Variants in PCDHA9 observed in about 807,000 individuals in gnomAD.
The protein encoded by PCDHA9 is protocadherin alpha-9.
A neutral mutation model predicts 62.0 loss-of-function variants in PCDHA9; 62 were observed. The observed-to-expected ratio is 1.00, with a 90% CI of 0.81 to 1.23. The LOEUF (loss-of-function observed/expected upper bound fraction) is 1.23. Among genes scored for constraint, PCDHA9 ranks in the 50% most tolerant of loss-of-function variants. The pLI is 0.00. For missense variants in PCDHA9, 1,205 were observed against 1,249.8 expected (o/e 0.96, Z 0.54); for synonymous variants, 557 against 567.6 (o/e 0.98, Z 0.27).
intron 1 of PCDHA9, chr5:140,851,739 C>T: frequency 1.0e-6 from 1 of 971,880 alleles, no homozygotes; most frequent in Non-Finnish European, 1.2e-6. Context: ...TTTTGAAATT[C>T]AGAGTCTGTA....
At chr5:140,956,147 C>T (rs150480657) in intron 1 of PCDHA9, among the ~76,000 whole-genome samples, 5,358 of 152,186 alleles carry the variant, frequency 0.035, 121 homozygotes, top group Non-Finnish European at 0.052. Context: ...ATTTCTTTCT[C>T]TTTCCTAATT....
At chr5:140,884,679 A>C (rs782535862) in intron 1 of PCDHA9, 12 of 1,551,914 alleles carry the variant, frequency 7.7e-6, no homozygotes, top group Non-Finnish European at 8.7e-6. Context: ...TTATATTTTA[A>C]AAAATTGTCT....
Position 140,869,569 on chromosome 5 carries a change from G to A in PCDHA9, c.2394+18680G>A, listed in dbSNP as rs200465902. ...ATCGGACTCGCGTTTTCCACTAGAG[G>A]GAGCTTCTGATGCTGACATTGAAGA... On this transcript the variant is annotated intron_variant, in intron 1 of 3. Coordinates refer to ENST00000532602, the MANE Select transcript of PCDHA9 (RefSeq NM_031857.2). 4.4e-4 allele frequency: 718 copies of A among 1,614,118 alleles called. 4 individuals carry two copies. The African/African-American group carries it at 8.4e-3, about 19-fold the overall frequency.
intron 1 of PCDHA9, among the ~76,000 whole-genome samples, chr5:140,904,904 C>G (rs1463349424): frequency 6.6e-6 from 1 of 151,948 alleles, no homozygotes; most frequent in Non-Finnish European, 1.5e-5. Context: ...GTTTTTCTTA[C>G]TGATTTGTTT....
chr5:140,937,039 C>CTTTTT, intron 1 of PCDHA9, among the ~76,000 whole-genome samples: 1 of 140,166 alleles, frequency 7.1e-6, no homozygotes, highest in Non-Finnish European at 1.5e-5. Flanking sequence ...TTCCATTTAT[C>CTTTTT]TTTTTTTTTT....
At chr5:140,856,761 C>A (rs377564040) in intron 1 of PCDHA9, 2 of 1,596,482 alleles carry the variant, frequency 1.3e-6, no homozygotes, top group African/African-American at 2.7e-5. Context: ...AATGATAACG[C>A]CCCTATCTTT....
chr5:140,952,948 A>AG (rs1177459807), intron 1 of PCDHA9, among the ~76,000 whole-genome samples: 39 of 152,028 alleles, frequency 2.6e-4, no homozygotes, highest in African/African-American at 8.5e-4. Context: ...GAGAGAGAGA[A>AG]GGGGGAAGTG....
chr5:140,884,721 T>C, intron 1 of PCDHA9: 1 of 1,464,684 alleles, frequency 6.8e-7, no homozygotes, highest in South Asian at 1.5e-5. Flanking sequence ...TTGCAGTTGT[T>C]TGTTTAAGAC....
Position 140,851,830 on chromosome 5 carries a change from T to A in PCDHA9, c.2394+941T>A, listed in dbSNP as rs565233003. The A allele has an allele frequency of 1.6e-4, 153 of 967,896 alleles. 10 individuals carry two copies. In the African/African-American group the frequency reaches 2.0e-3, roughly 13 times the overall value. 60.0% of individuals were successfully genotyped at this position (967,896 alleles called of 1,614,324 possible). On this transcript the variant is annotated intron_variant, in intron 1 of 3. Transcript: ENST00000532602. ...TCCATAAGACAGAAATCTGTTTTTT[T>A]AAAAATATCTTTTTCTCCTCTCAGC...
At chr5:140,945,243 A>G (rs1554216829) in intron 1 of PCDHA9, among the ~76,000 whole-genome samples, 1 of 152,166 alleles carries the variant, frequency 6.6e-6, no homozygotes, top group Admixed American at 6.5e-5. Flanking sequence ...AATTTAACCA[A>G]GAGGATGAAA....
intron 3 of PCDHA9, among the ~76,000 whole-genome samples, chr5:141,006,150 G>A (rs1035867146): frequency 1.1e-4 from 16 of 151,274 alleles, no homozygotes; most frequent in Admixed American, 6.6e-5. Flanking sequence ...AAGCAGAGGA[G>A]TGATATAATC....
At chr5:140,891,801 C>T (rs2063255606) in intron 1 of PCDHA9, among the ~76,000 whole-genome samples, 1 of 152,056 alleles carries the variant, frequency 6.6e-6, no homozygotes, top group Non-Finnish European at 1.5e-5. Context: ...AGGGATCTGC[C>T]CTCATGAATA....
intron 1 of PCDHA9, chr5:140,884,083 G>C (rs538322622): frequency 1.2e-6 from 2 of 1,613,596 alleles, no homozygotes; most frequent in South Asian, 1.1e-5. Context: ...GCTACAATGC[G>C]TGGCTTTCGT....
At chr5:140,858,660 TAAC>T in intron 1 of PCDHA9, 1 of 753,410 alleles carries the variant, frequency 1.3e-6, no homozygotes, top group East Asian at 2.7e-5. Flanking sequence ...TTTTTTTAAA[TAAC>T]AATTTATTCT....
intron 2 of PCDHA9, among the ~76,000 whole-genome samples, chr5:140,979,312 C>G (rs1419194517): frequency 1.3e-5 from 2 of 152,166 alleles, no homozygotes; most frequent in Admixed American, 6.5e-5. Flanking sequence ...CCCTCTCTAC[C>G]TATGCTTTCT....
Position 140,885,214 on chromosome 5 carries a change from T to A in PCDHA9, c.2394+34325T>A, listed in dbSNP as rs550824585. On this transcript the variant is annotated intron_variant, in intron 1 of 3. Coordinates refer to ENST00000532602, the MANE Select transcript of PCDHA9 (RefSeq NM_031857.2). ...CCCCTCTCATATATCCCATGAAAAATATCTTGTGATTCTGCTTTCAATTTT... is the reference window on the plus strand; with the variant it reads ...CCCCTCTCATATATCCCATGAAAAAAATCTTGTGATTCTGCTTTCAATTTT... Among the ~76,000 whole-genome samples the A allele has an allele frequency of 2.8e-3, 423 of 152,168 alleles. 2 individuals carry two copies. The highest frequency in any genetic ancestry group is 0.014 in the Middle Eastern group (4 of 294).
chr5:140,850,443 C>T lies in PCDHA9; in HGVS notation c.1948C>T (p.Leu650=). ...TDAPRQRLLV[L]VKDHGEPALT... is the part of the protein sequence containing the mutation. Reference sequence around the variant, plus strand: ...CGCACCGCGCCAGCGCCTACTGGTGCTGGTGAAAGACCACGGGGAGCCAGC... The same window carrying T: ...CGCACCGCGCCAGCGCCTACTGGTGTTGGTGAAAGACCACGGGGAGCCAGC... Residue 650 remains leucine (L), a synonymous_variant, in exon 1 of 4, where the codon CTG becomes TTG. Transcript: ENST00000532602. The T allele has an allele frequency of 2.5e-6, 4 of 1,597,988 alleles. No homozygotes were observed. The highest frequency in any genetic ancestry group is 3.4e-6 in the Non-Finnish European group (4 of 1,167,728).
At chr5:140,897,443 G>T (rs533610542) in intron 1 of PCDHA9, among the ~76,000 whole-genome samples, 75 of 150,100 alleles carry the variant, frequency 5.0e-4, no homozygotes, top group Middle Eastern at 3.5e-3. Flanking sequence ...GCAGTGTTTG[G>T]TTTTTTGTCC....
At chr5:141,006,553 G>A (rs1554260809) in intron 3 of PCDHA9, among the ~76,000 whole-genome samples, 1 of 152,168 alleles carries the variant, frequency 6.6e-6, no homozygotes, top group African/African-American at 2.4e-5. Context: ...AAGAAATAAA[G>A]ATGACTCTGG....
Sources: allele counts gnomAD v4.1 joint callset (sites outside exome capture counted in the v4.1 genomes callset), GRCh38; gene constraint gnomAD v4.1.1; transcripts MANE v1.5; gene names NCBI Gene and HGNC (gene_info 2026-07-23, HGNC 2026-07-21).